Variants in TMEM106B observed in about 807,000 individuals in gnomAD.
TMEM106B encodes transmembrane protein 106B.
In TMEM106B, 15 loss-of-function variants were observed where a neutral mutation model predicts 31.1. That is an observed-to-expected ratio of 0.48 (90% CI 0.32 to 0.74). The LOEUF is 0.74. TMEM106B is among the 30% of genes least tolerant of loss of function. TMEM106B has a pLI of 0.03. For synonymous variants in TMEM106B, 126 were observed against 112.5 expected (o/e 1.12, Z -0.76); for missense variants, 283 against 327.3 (o/e 0.86, Z 1.04).
intron 4 of TMEM106B, among the ~76,000 whole-genome samples, chr7:12,224,872 T>G (rs893791458): frequency 6.7e-6 from 1 of 148,462 alleles, no homozygotes; most frequent in South Asian, 2.1e-4. Context: ...AATGCCGTGT[T>G]TTTTTTTTTT....
intron 4 of TMEM106B, 73 bp from the exon 5 acceptor site, chr7:12,229,606 G>C: frequency 8.3e-7 from 1 of 1,209,594 alleles, no homozygotes; most frequent in Non-Finnish European, 1.1e-6. Flanking sequence ...TACAGCTGAA[G>C]TTACTTTAAT....
At chr7:12,221,621 G>C (rs73301046) in intron 3 of TMEM106B, among the ~76,000 whole-genome samples, 1 of 152,158 alleles carries the variant, frequency 6.6e-6, no homozygotes, top group Non-Finnish European at 1.5e-5. Context: ...AAACAAAGGA[G>C]ATAAGCCCTA....
chr7:12,212,177 C>G (rs1365614531), intron 1 of TMEM106B, among the ~76,000 whole-genome samples: 1 of 152,182 alleles, frequency 6.6e-6, no homozygotes, highest in East Asian at 1.9e-4. Context: ...AGAAAACAGG[C>G]TCAAACGGAG....
intron 2 of TMEM106B, chr7:12,215,608 G>A (rs549543132): frequency 2.7e-6 from 1 of 369,772 alleles, no homozygotes; most frequent in Non-Finnish European, 5.7e-6. Flanking sequence ...AATAAGGATG[G>A]AGTTTCCCCA....
chr7:12,228,618 G>A (rs548738527), intron 4 of TMEM106B, among the ~76,000 whole-genome samples: 6 of 151,642 alleles, frequency 4.0e-5, no homozygotes, highest in Admixed American at 1.3e-4. Flanking sequence ...CTGTGGAATC[G>A]GTGCTCAGAA....
rs1020579800 is a variant in TMEM106B, at chr7:12,239,593, T to C, written c.*7618T>C. The stretch of plus-strand genomic sequence containing the variant: ...AGGTGTAATTATTTCTAGCTTTTGA[T>C]TGAAAGTGAGAGATATGTGACTCTT... On this transcript the variant is annotated 3_prime_UTR_variant, in exon 8 of 8. Transcript: ENST00000396668. 1.3e-5 allele frequency: 2 copies of C among 152,164 alleles called. No individual in the cohort carries two copies. Among genetic ancestry groups the C allele is most frequent in the Admixed American group, 1.3e-4 (2 of 15,268 alleles). The allele number at this position is 152,164 out of a possible 1,614,324, so 9.4% of individuals were successfully genotyped here.
rs778937768 is a variant in TMEM106B, at chr7:12,240,779, T to A, written c.*8804T>A. The A allele has an allele frequency of 2.6e-5, 4 of 151,878 alleles. No homozygotes were observed. Among genetic ancestry groups the A allele is most frequent in the Non-Finnish European group, 5.9e-5 (4 of 68,004 alleles). The allele number at this position is 151,878 out of a possible 1,614,324, so 9.4% of individuals were successfully genotyped here. ...AATAGCATCTTATGAGGAACCTTGA[T>A]ATGTGACAAAACAGATGCTTTGATT... On this transcript the variant is annotated 3_prime_UTR_variant, in exon 8 of 8. Coordinates refer to ENST00000396668, the MANE Select transcript of TMEM106B (RefSeq NM_001134232.2).
chr7:12,230,824 A>G (rs941024948), intron 6 of TMEM106B: 3 of 365,490 alleles, frequency 8.2e-6, no homozygotes, highest in African/African-American at 4.2e-5. Flanking sequence ...AGCAAAATAT[A>G]TAAGTAATTT....
At chr7:12,226,233 C>T (rs901568460) in intron 4 of TMEM106B, among the ~76,000 whole-genome samples, 1 of 152,004 alleles carries the variant, frequency 6.6e-6, no homozygotes, top group Admixed American at 6.6e-5. Context: ...TGGTCTGTAT[C>T]TCTGTTTTGG....
In TMEM106B at chr7:12,236,935, G is replaced by A. The variant is rs1224498406; in HGVS notation, c.*4960G>A. Reference sequence around the variant, plus strand: ...GATTGACTTGGTCAGATATTTGAATGATGGTATTACCTAGATTCTAATCCT... The same window carrying A: ...GATTGACTTGGTCAGATATTTGAATAATGGTATTACCTAGATTCTAATCCT... On this transcript the variant is annotated 3_prime_UTR_variant, in exon 8 of 8. Coordinates refer to ENST00000396668, the MANE Select transcript of TMEM106B (RefSeq NM_001134232.2). 3 of 151,980 alleles carry A rather than the reference G, an allele frequency of 2.0e-5. No homozygotes were observed. The highest frequency in any genetic ancestry group is 6.6e-5 in the Admixed American group (1 of 15,234). 9.4% of individuals were successfully genotyped at this position (151,980 alleles called of 1,614,324 possible). A position where few individuals can be genotyped will look rare whatever the true frequency, so the allele number is the denominator to read the frequency against.
At position 12,234,668 on chromosome 7, in the gene TMEM106B, T is replaced by C. The variant is rs1205634266; in HGVS notation, c.*2693T>C. The C allele has an allele frequency of 1.3e-5, 2 of 152,076 alleles. No individual in the cohort carries two copies. The highest frequency in any genetic ancestry group is 1.9e-4 in the East Asian group (1 of 5,190). The allele number at this position is 152,076 out of a possible 1,614,324, so 9.4% of individuals were successfully genotyped here. On this transcript the variant is annotated 3_prime_UTR_variant, in exon 8 of 8. Transcript: ENST00000396668. ...TTATCCAGAGGACATGGTAAAGATATGTTACAGAAATTTTTCTGATACTTC... is the reference window on the plus strand; with the variant it reads ...TTATCCAGAGGACATGGTAAAGATACGTTACAGAAATTTTTCTGATACTTC...
intron 2 of TMEM106B, among the ~76,000 whole-genome samples, chr7:12,217,357 G>A (rs1050709637): frequency 2.0e-5 from 3 of 152,138 alleles, no homozygotes; most frequent in African/African-American, 4.8e-5. Context: ...TGAGGATAGC[G>A]AAGAAGATAT....
intron 5 of TMEM106B, among the ~76,000 whole-genome samples, chr7:12,230,155 C>T (rs946788027): frequency 5.3e-5 from 8 of 151,926 alleles, no homozygotes; most frequent in African/African-American, 1.9e-4. Flanking sequence ...TAGGTCGAGG[C>T]TCGCGAGCCG....
chr7:12,217,119 A>G (rs1583451123), intron 2 of TMEM106B, among the ~76,000 whole-genome samples: 1 of 152,144 alleles, frequency 6.6e-6, no homozygotes, highest in Non-Finnish European at 1.5e-5. Flanking sequence ...TTCGGGAGAT[A>G]AGAGAATTAT....
At chr7:12,231,438 TG>T (rs1439509126) in intron 7 of TMEM106B, 2 of 263,706 alleles carry the variant, frequency 7.6e-6, no homozygotes. Flanking sequence ...AGAATATTAT[TG>T]GTTTGTAAAT....
rs1050549464 is a variant in TMEM106B, at chr7:12,238,048, T to C, written c.*6073T>C. 1 of 152,272 alleles carries C rather than the reference T, an allele frequency of 6.6e-6. No homozygotes were observed. The highest frequency in any genetic ancestry group is 1.5e-5 in the Non-Finnish European group (1 of 68,112). 9.4% of individuals were successfully genotyped at this position (152,272 alleles called of 1,614,324 possible). On this transcript the variant is annotated 3_prime_UTR_variant, in exon 8 of 8. Coordinates refer to ENST00000396668, the MANE Select transcript of TMEM106B (RefSeq NM_001134232.2). ...TATTGCCTTGTCCTTTCATGAAAGA[T>C]GTCTCTAGCATGTGATGCTGTTTTG...
chr7:12,233,714 C>T lies in TMEM106B; in HGVS notation c.*1739C>T, dbSNP rs1026023055. The stretch of plus-strand genomic sequence containing the variant: ...AATCATTTTCATTTTTCTTCTGCTA[C>T]GTTTCCTGACTACTACTGCATACTT... On this transcript the variant is annotated 3_prime_UTR_variant, in exon 8 of 8. Coordinates refer to ENST00000396668, the MANE Select transcript of TMEM106B (RefSeq NM_001134232.2). The T allele has an allele frequency of 3.3e-5, 5 of 150,372 alleles. No homozygotes were observed. The highest frequency in any genetic ancestry group is 3.2e-3 in the Middle Eastern group (1 of 314). The allele number at this position is 150,372 out of a possible 1,614,324, so 9.3% of individuals were successfully genotyped here.
At chr7:12,221,674 T>C (rs570040780) in intron 3 of TMEM106B, among the ~76,000 whole-genome samples, 1 of 152,330 alleles carries the variant, frequency 6.6e-6, no homozygotes, top group East Asian at 1.9e-4. Context: ...GCTTACTGTC[T>C]GAGAAAGGTT....
At position 12,229,955 on chromosome 7, in the gene TMEM106B, G is replaced by A. The variant is rs529795708; in HGVS notation, c.582+136G>A. On this transcript the variant is annotated intron_variant, in intron 5 of 7. Transcript: ENST00000396668. Reference sequence around the variant, plus strand: ...GTCTCTGCTGGGTACAGTGGCTCATGCCTGTGATCCCCGCACCTTGGGAGG... The same window carrying A: ...GTCTCTGCTGGGTACAGTGGCTCATACCTGTGATCCCCGCACCTTGGGAGG... The A allele has an allele frequency of 6.2e-6, 6 of 975,002 alleles. No homozygotes were observed. In the African/African-American group the frequency reaches 1.0e-4, roughly 16 times the overall value. 60.4% of individuals were successfully genotyped at this position (975,002 alleles called of 1,614,324 possible).
Sources: gnomAD v4.1 joint callset for allele counts (sites outside exome capture counted in the v4.1 genomes callset) on GRCh38, gnomAD v4.1.1 for gene constraint, MANE v1.5 for transcripts, NCBI Gene and HGNC (gene_info 2026-07-23, HGNC 2026-07-21) for gene names.